Variants in TDRP observed in about 807,000 individuals in gnomAD.
The protein encoded by TDRP is testis development-related protein.
A neutral mutation model predicts 10.5 loss-of-function variants in TDRP; 12 were observed. That is an observed-to-expected ratio of 1.15 (90% confidence interval 0.73 to 1.86). The LOEUF (loss-of-function observed/expected upper bound fraction) is 1.86. Ranked by LOEUF, TDRP falls within the 40% of genes most tolerant of loss-of-function variation. TDRP has a pLI of 0.00. For missense variants in TDRP, 353 were observed against 229.2 expected (o/e 1.54, Z -3.49); for synonymous variants, 139 against 95.4 (o/e 1.46, Z -2.67).
rs568028682 is a variant in TDRP, at chr8:531,954, G to T, written c.108+12696C>A. On this transcript the variant is annotated intron_variant, in intron 1 of 2. Transcript: ENST00000324079. ...TCTGACAGTGGGCCCTGCGGTGGTT[G>T]CGTAATAAAATCTCCTGACTGTGAT... Among the ~76,000 whole-genome samples the T allele has an allele frequency of 3.9e-5, 6 of 152,318 alleles. No homozygotes were observed. The South Asian group carries it at 1.0e-3, about 26-fold the overall frequency.
chr8:526,795 C>T (rs1410978649), intron 1 of TDRP, among the ~76,000 whole-genome samples: 1 of 152,158 alleles, frequency 6.6e-6, no homozygotes, highest in Non-Finnish European at 1.5e-5. Flanking sequence ...AGATCTGGAA[C>T]ATGACAAGGA....
At chr8:509,413 G>A (rs921696182) in intron 1 of TDRP, among the ~76,000 whole-genome samples, 4 of 152,218 alleles carry the variant, frequency 2.6e-5, no homozygotes, top group Non-Finnish European at 4.4e-5. Flanking sequence ...AATCTAGCCA[G>A]AGGTTCTCAA....
chr8:532,987 T>G (rs1802246872), intron 1 of TDRP, among the ~76,000 whole-genome samples: 1 of 152,150 alleles, frequency 6.6e-6, no homozygotes. Flanking sequence ...TCTAGAGCCC[T>G]TACTTAAAAC....
At chr8:521,923 C>T (rs1801915847) in intron 1 of TDRP, among the ~76,000 whole-genome samples, 1 of 150,688 alleles carries the variant, frequency 6.6e-6, no homozygotes, top group South Asian at 2.1e-4. Flanking sequence ...TTTTTTCAGT[C>T]TTTCACCTCC....
chr8:531,377 G>C (rs1344924115), intron 1 of TDRP, among the ~76,000 whole-genome samples: 4 of 152,184 alleles, frequency 2.6e-5, no homozygotes, highest in Non-Finnish European at 5.9e-5. Flanking sequence ...AGTGGCATAA[G>C]AGACTTATGG....
intron 1 of TDRP, among the ~76,000 whole-genome samples, chr8:509,466 A>C (rs1432295190): frequency 6.6e-6 from 1 of 152,212 alleles, no homozygotes; most frequent in Admixed American, 6.5e-5. Context: ...ACCAACACCA[A>C]GTGGAAGCAG....
chr8:545,449 C>G (rs1293670319), upstream of TDRP, among the ~76,000 whole-genome samples: 1 of 151,032 alleles, frequency 6.6e-6, no homozygotes, highest in Non-Finnish European at 1.5e-5. Flanking sequence ...ACTGCCCCCT[C>G]CCCCCACCCT....
Position 542,116 on chromosome 8 carries a change from G to A in TDRP, c.108+2534C>T, listed in dbSNP as rs560351441. 9.8e-5 allele frequency among the ~76,000 whole-genome samples: 15 copies of A among 152,316 alleles called. No homozygotes were observed. In the East Asian group the frequency reaches 2.7e-3, roughly 27 times the overall value. ...CGAGCTACAAGCCGTGAAAAGAAATGCAGGAACCTTAAATGCATCTTTCTA... is the reference window on the plus strand; with the variant it reads ...CGAGCTACAAGCCGTGAAAAGAAATACAGGAACCTTAAATGCATCTTTCTA... On this transcript the variant is annotated intron_variant, in intron 1 of 2. Coordinates refer to ENST00000324079, the MANE Select transcript of TDRP (RefSeq NM_001384899.1).
At chr8:523,487 T>A (rs1258242716) in intron 1 of TDRP, among the ~76,000 whole-genome samples, 1 of 152,106 alleles carries the variant, frequency 6.6e-6, no homozygotes, top group East Asian at 1.9e-4. Flanking sequence ...ATAGCAGCAG[T>A]CAAGCTCCTG....
At chr8:545,456 C>T (rs1422429867), upstream of TDRP, among the ~76,000 whole-genome samples, 2 of 151,364 alleles carry the variant, frequency 1.3e-5, no homozygotes, top group Non-Finnish European at 3.0e-5. Flanking sequence ...CCTCCCCCCA[C>T]CCTTTCCCAG....
At chr8:501,819 G>A (rs1445334896) in intron 1 of TDRP, among the ~76,000 whole-genome samples, 1 of 152,230 alleles carries the variant, frequency 6.6e-6, no homozygotes, top group Non-Finnish European at 1.5e-5. Context: ...ATCAACCACA[G>A]GGCACTGGCG....
chr8:511,401 C>T (rs971796284), intron 1 of TDRP, among the ~76,000 whole-genome samples: 1 of 151,880 alleles, frequency 6.6e-6, no homozygotes, highest in Non-Finnish European at 1.5e-5. Context: ...ATAAATGCAA[C>T]AGCCCATCAG....
intron 1 of TDRP, among the ~76,000 whole-genome samples, chr8:504,844 G>C (rs770366377): frequency 6.6e-6 from 1 of 152,020 alleles, no homozygotes; most frequent in African/African-American, 2.4e-5. Context: ...TCGGAACCCA[G>C]ACTTATAAAT....
At chr8:516,776 T>G (rs977239349) in intron 1 of TDRP, among the ~76,000 whole-genome samples, 2 of 152,256 alleles carry the variant, frequency 1.3e-5, no homozygotes, top group East Asian at 1.9e-4. Flanking sequence ...ACCAAATGAC[T>G]TGAAAACTTA....
chr8:505,410 G>A (rs564022799), intron 1 of TDRP, among the ~76,000 whole-genome samples: 131 of 152,326 alleles, frequency 8.6e-4, no homozygotes, highest in African/African-American at 2.9e-3. Flanking sequence ...TAATATTGAA[G>A]ATGTGTAAAA....
chr8:508,214 A>G (rs1370968067), intron 1 of TDRP, among the ~76,000 whole-genome samples: 1 of 152,262 alleles, frequency 6.6e-6, no homozygotes, highest in African/African-American at 2.4e-5. Context: ...AATGAAAAGT[A>G]TAATACATGA....
At chr8:511,431 A>G (rs569240321) in intron 1 of TDRP, among the ~76,000 whole-genome samples, 2 of 152,326 alleles carry the variant, frequency 1.3e-5, no homozygotes, top group Admixed American at 1.3e-4. Flanking sequence ...ACAATTAAAG[A>G]CTTACATGTA....
At chr8:523,680 G>C (rs1318928344) in intron 1 of TDRP, among the ~76,000 whole-genome samples, 1 of 152,204 alleles carries the variant, frequency 6.6e-6, no homozygotes, top group Non-Finnish European at 1.5e-5. Context: ...AGGGCCTGGG[G>C]CAGTGGTAGC....
At chr8:529,182 C>T (rs1272364487) in intron 1 of TDRP, among the ~76,000 whole-genome samples, 3 of 152,168 alleles carry the variant, frequency 2.0e-5, no homozygotes, top group African/African-American at 7.2e-5. Context: ...TGGCAACACC[C>T]TCATAGACAT....
Sources: allele counts gnomAD v4.1 joint callset (sites outside exome capture counted in the v4.1 genomes callset), GRCh38; gene constraint gnomAD v4.1.1; transcripts MANE v1.5; gene names NCBI Gene and HGNC (gene_info 2026-07-23, HGNC 2026-07-21).